GRIK1: variants seen among roughly 807,000 people sequenced by gnomAD.
GRIK1 encodes glutamate receptor ionotropic, kainate 1.
Under a neutral mutation model 105.7 loss-of-function variants are expected in GRIK1, and 69 were observed. The observed-to-expected ratio is 0.65, with a 90% confidence interval of 0.54 to 0.80. The LOEUF is 0.80. GRIK1 is among the 30% of genes least tolerant of loss of function. The probability of loss-of-function intolerance (pLI) is 0.00; values close to 1 mark genes in which losing one functional copy is unlikely to be tolerated. For missense variants in GRIK1, 1,109 were observed against 1,167.3 expected, an observed-to-expected ratio of 0.95 and a Z score of 0.73; for synonymous variants, 438 against 431.3, an observed-to-expected ratio of 1.02 and a Z score of -0.19.
At chr21:29,556,831 CTG>C (rs2090269406) in intron 15 of GRIK1, among the ~76,000 whole-genome samples, 1 of 152,188 alleles carries the variant, frequency 6.6e-6, no homozygotes, top group East Asian at 1.9e-4. Context: ...CCGCACTGGA[CTG>C]TGGCAAGATC....
chr21:29,927,500 AAT>A (rs955552235), intron 1 of GRIK1, among the ~76,000 whole-genome samples: 1 of 150,112 alleles, frequency 6.7e-6, no homozygotes, highest in Admixed American at 6.7e-5. Flanking sequence ...CAATGCTTAT[AAT>A]ATATATATAA....
intron 1 of GRIK1, among the ~76,000 whole-genome samples, chr21:29,905,773 C>T (rs2070610916): frequency 2.0e-5 from 3 of 149,918 alleles, no homozygotes; most frequent in Admixed American, 6.6e-5. Context: ...ACTACAGGCG[C>T]CCGCCACTAC....
intron 1 of GRIK1, among the ~76,000 whole-genome samples, chr21:29,935,077 C>T (rs1375370699): frequency 6.6e-6 from 1 of 152,104 alleles, no homozygotes; most frequent in Non-Finnish European, 1.5e-5. Context: ...AGAGGTCTTC[C>T]TAAACACAGG....
At chr21:29,579,975 ATATATATGTGTG>A (rs1568842893) in intron 13 of GRIK1, among the ~76,000 whole-genome samples, 1 of 145,252 alleles carries the variant, frequency 6.9e-6, no homozygotes, top group African/African-American at 2.6e-5. Flanking sequence ...GTATATATAT[ATATATATGTGTG>A]TATATATATG....
intron 1 of GRIK1, among the ~76,000 whole-genome samples, chr21:29,903,687 G>A (rs1426379480): frequency 2.6e-5 from 4 of 152,202 alleles, no homozygotes; most frequent in Non-Finnish European, 5.9e-5. Context: ...GTTGGTGGAA[G>A]TGTAAATTAG....
chr21:29,871,362 C>T (rs528665089), intron 1 of GRIK1, among the ~76,000 whole-genome samples: 12 of 152,122 alleles, frequency 7.9e-5, no homozygotes, highest in Non-Finnish European at 1.6e-4. Context: ...TTACACAAAC[C>T]CAACGAATTA....
rs1431513114 is a variant in GRIK1 at position 29,582,391 on chromosome 21, C to G, written c.1794-848G>C. Reference sequence around the variant, plus strand: ...TTCTATAGCATTATTATAGGTCTACCTGCAAGGTGGTGCGCTATGGGCAGT... The same window carrying G: ...TTCTATAGCATTATTATAGGTCTACGTGCAAGGTGGTGCGCTATGGGCAGT... On this transcript the variant is annotated intron_variant, in intron 12 of 17. Transcript: ENST00000327783. 3 of 463,256 alleles carry G rather than the reference C, an allele frequency of 6.5e-6. No individual in the cohort carries two copies. In the Admixed American group the frequency reaches 7.4e-5, roughly 11 times the overall value. The allele number at this position is 463,256 out of a possible 1,614,324, so 28.7% of individuals were successfully genotyped here.
chr21:29,563,727 G>C (rs527989632), intron 14 of GRIK1, among the ~76,000 whole-genome samples: 24 of 152,282 alleles, frequency 1.6e-4, no homozygotes, highest in African/African-American at 5.3e-4. Context: ...ACTACCTTAA[G>C]GGAAAATAAT....
intron 3 of GRIK1, among the ~76,000 whole-genome samples, chr21:29,683,991 T>C (rs950878932): frequency 6.6e-6 from 1 of 152,248 alleles, no homozygotes; most frequent in Non-Finnish European, 1.5e-5. Context: ...TCAAACGTTA[T>C]TTTCTAGAGC....
chr21:29,640,759 C>T (rs1003330856), intron 7 of GRIK1, among the ~76,000 whole-genome samples: 17 of 152,090 alleles, frequency 1.1e-4, no homozygotes, highest in Non-Finnish European at 1.0e-4. Context: ...AAAAGAAAAC[C>T]AGCTGTTTTC....
At chr21:29,750,800 A>T (rs2065177075) in intron 1 of GRIK1, among the ~76,000 whole-genome samples, 1 of 152,212 alleles carries the variant, frequency 6.6e-6, no homozygotes, top group Non-Finnish European at 1.5e-5. Flanking sequence ...TTAGATATCA[A>T]ATTGATGTAT....
rs138081245 is a variant in GRIK1, at chr21:29,734,493, C to T, written c.119-40430G>A. Among the ~76,000 whole-genome samples the T allele has an allele frequency of 7.0e-3, 1,059 of 151,896 alleles. 13 individuals carry two copies. Among genetic ancestry groups the T allele is most frequent in the African/African-American group, 0.025 (1,013 of 41,334 alleles). ...GCACAATCACAGCTCACTGCAGCCT[C>T]GACTCCAGTGATCCTCCCACCTCAG... On this transcript the variant is annotated intron_variant, in intron 1 of 17. Transcript: ENST00000327783.
intron 1 of GRIK1, among the ~76,000 whole-genome samples, chr21:29,733,215 G>A (rs542436810): frequency 2.0e-5 from 3 of 152,162 alleles, no homozygotes; most frequent in East Asian, 3.9e-4. Context: ...TACCAACATA[G>A]GAGAGCCTTA....
Position 29,807,563 on chromosome 21 carries a change from C to A in GRIK1, c.119-113500G>T, listed in dbSNP as rs562533979. Among the ~76,000 whole-genome samples, 12 of 152,074 alleles carry A rather than the reference C, an allele frequency of 7.9e-5. No individual in the cohort carries two copies. The South Asian group carries it at 2.5e-3, about 32-fold the overall frequency. ...CTGCATAGTTGATCTCAGAAAGGTT[C>A]TTATTCTAAGATAGAGGATCTGCTC... is the stretch of plus-strand genomic sequence containing the variant. On this transcript the variant is annotated intron_variant, in intron 1 of 17. Coordinates refer to ENST00000327783, the MANE Select transcript of GRIK1 (RefSeq NM_001330994.2).
At chr21:29,761,180 A>G (rs2065505122) in intron 1 of GRIK1, 1 of 152,258 alleles carries the variant, frequency 6.6e-6, no homozygotes, top group African/African-American at 2.4e-5. Context: ...AAATGCCCCT[A>G]GGAGCCACAG....
intron 1 of GRIK1, among the ~76,000 whole-genome samples, chr21:29,877,676 T>C (rs2069241287): frequency 6.6e-6 from 1 of 152,206 alleles, no homozygotes; most frequent in Admixed American, 6.5e-5. Context: ...GTTTAAAATG[T>C]CAAGAGTTTA....
rs57437446 is a variant in GRIK1, at chr21:29,867,898, G to A, written c.118+71485C>T. Among the ~76,000 whole-genome samples, 3 of 123,738 alleles carry A rather than the reference G, an allele frequency of 2.4e-5. No individual in the cohort carries two copies. In the East Asian group the frequency reaches 9.4e-4, roughly 39 times the overall value. 81.2% of individuals were successfully genotyped at this position (123,738 alleles called of 152,430 possible). A position where few individuals can be genotyped will look rare whatever the true frequency, so the allele number is the denominator to read the frequency against. ...AGAAAGAGAGAGAAAGAGAGAGAGA[G>A]AGAGAAAGAAAGAGAGAGAAAGAGA... On this transcript the variant is annotated intron_variant, in intron 1 of 17. Transcript: ENST00000327783.
intron 2 of GRIK1, among the ~76,000 whole-genome samples, chr21:29,690,965 T>G (rs532329942): frequency 6.6e-6 from 1 of 152,304 alleles, no homozygotes; most frequent in East Asian, 1.9e-4. Context: ...CTAAAGCATA[T>G]TTTTAGTGTC....
chr21:29,724,934 C>G (rs2146873133), intron 1 of GRIK1, among the ~76,000 whole-genome samples: 1 of 149,506 alleles, frequency 6.7e-6, no homozygotes, highest in South Asian at 2.2e-4. Context: ...CTTAATTTCA[C>G]TTTCATATTT....
Sources: allele counts gnomAD v4.1 joint callset (sites outside exome capture counted in the v4.1 genomes callset), GRCh38; gene constraint gnomAD v4.1.1; transcripts MANE v1.5; gene names NCBI Gene and HGNC (gene_info 2026-07-23, HGNC 2026-07-21).